UNC5D: variants seen among roughly 807,000 people sequenced by gnomAD.
UNC5D encodes unc-5 netrin receptor D.
A neutral mutation model predicts 105.4 loss-of-function variants in UNC5D; 39 were observed. That is an observed-to-expected ratio of 0.37 (90% CI 0.29 to 0.48). The LOEUF is 0.48. UNC5D is among the 20% of genes least tolerant of loss of function. UNC5D has a pLI of 0.98. For synonymous variants in UNC5D, 452 were observed against 450.4 expected, an observed-to-expected ratio of 1.00 and a Z score of -0.04; for missense variants, 991 against 1,202.4, an observed-to-expected ratio of 0.82 and a Z score of 2.60.
At chr8:35,729,510 C>T (rs1182567248) in intron 10 of UNC5D, among the ~76,000 whole-genome samples, 1 of 152,122 alleles carries the variant, frequency 6.6e-6, no homozygotes, top group South Asian at 2.1e-4. Context: ...TCTCTGTCAT[C>T]GTAATGACCT....
At chr8:35,274,288 C>T (rs2128839936) in intron 1 of UNC5D, among the ~76,000 whole-genome samples, 1 of 152,302 alleles carries the variant, frequency 6.6e-6, no homozygotes, top group Admixed American at 6.5e-5. Flanking sequence ...ATGGTTTCTT[C>T]AGATGATTTA....
chr8:35,501,946 C>T (rs941833457), intron 1 of UNC5D, among the ~76,000 whole-genome samples: 2 of 152,064 alleles, frequency 1.3e-5, no homozygotes, highest in Non-Finnish European at 2.9e-5. Flanking sequence ...GATAACTTGC[C>T]CTCCGCTTAA....
At chr8:35,357,522 A>G (rs1239311965) in intron 1 of UNC5D, among the ~76,000 whole-genome samples, 1 of 152,152 alleles carries the variant, frequency 6.6e-6, no homozygotes, top group Non-Finnish European at 1.5e-5. Context: ...AAGCAGGTTA[A>G]TTCTAATTTT....
At chr8:35,576,302 T>G (rs1818083738) in intron 3 of UNC5D, among the ~76,000 whole-genome samples, 3 of 152,152 alleles carry the variant, frequency 2.0e-5, no homozygotes, top group Admixed American at 1.3e-4. Context: ...AGTTGTTACA[T>G]AAAAAGCAAA....
intron 1 of UNC5D, among the ~76,000 whole-genome samples, chr8:35,277,141 G>A (rs1398989686): frequency 6.6e-6 from 1 of 152,102 alleles, no homozygotes; most frequent in Non-Finnish European, 1.5e-5. Context: ...CCCCGTAACC[G>A]GTTACAGAAA....
intron 1 of UNC5D, among the ~76,000 whole-genome samples, chr8:35,296,706 C>T (rs1807516897): frequency 6.6e-6 from 1 of 152,174 alleles, no homozygotes; most frequent in Non-Finnish European, 1.5e-5. Flanking sequence ...CAGGCATGAG[C>T]CACCATGCCT....
chr8:35,637,009 C>T (rs1340507166), intron 4 of UNC5D, among the ~76,000 whole-genome samples: 1 of 152,182 alleles, frequency 6.6e-6, no homozygotes, highest in African/African-American at 2.4e-5. Flanking sequence ...TCTCATGTCT[C>T]ACTTCCAATG....
intron 1 of UNC5D, among the ~76,000 whole-genome samples, chr8:35,346,284 G>C (rs537528814): frequency 1.4e-4 from 21 of 152,088 alleles, no homozygotes; most frequent in African/African-American, 4.1e-4. Flanking sequence ...ATAATGACTA[G>C]TATATATTTA....
intron 1 of UNC5D, among the ~76,000 whole-genome samples, chr8:35,296,515 G>C (rs2128866822): frequency 6.6e-6 from 1 of 152,216 alleles, no homozygotes; most frequent in Non-Finnish European, 1.5e-5. Flanking sequence ...TGCCTCCCAG[G>C]TTCAAGCAAT....
intron 11 of UNC5D, among the ~76,000 whole-genome samples, chr8:35,742,113 G>A (rs1829792813): frequency 6.6e-6 from 1 of 152,092 alleles, no homozygotes; most frequent in African/African-American, 2.4e-5. Context: ...AGAAGACATA[G>A]CCACAGTGTT....
rs1260186815 is a variant in UNC5D, at chr8:35,595,670, C to T, written c.570+13C>T. 10 of 1,612,618 alleles carry T rather than the reference C, an allele frequency of 6.2e-6. No homozygotes were observed. Among genetic ancestry groups the T allele is most frequent in the Non-Finnish European group, 8.5e-6 (10 of 1,178,944 alleles). Reference sequence around the variant, plus strand: ...CCCTGCTGCCGAGGTAAGACAGGATCCTGGGACCAGTCACCGGGAGGAACC... The same window carrying T: ...CCCTGCTGCCGAGGTAAGACAGGATTCTGGGACCAGTCACCGGGAGGAACC... On this transcript the variant is annotated intron_variant, in intron 4 of 16. Coordinates refer to ENST00000404895, the MANE Select transcript of UNC5D (RefSeq NM_080872.4).
rs202099281 is a variant in UNC5D at position 35,478,141 on chromosome 8, C to G, written c.104-71151C>G. On this transcript the variant is annotated intron_variant, in intron 1 of 16. Transcript: ENST00000404895. The stretch of plus-strand genomic sequence containing the variant: ...ATCTTAATATTCAGAATCTCTATTC[C>G]AAAATTAGATAAAACTTCAGATTAA... 3.3e-5 allele frequency among the ~76,000 whole-genome samples: 5 copies of G among 152,058 alleles called. No homozygotes were observed. The East Asian group carries it at 9.7e-4, about 29-fold the overall frequency.
intron 15 of UNC5D, among the ~76,000 whole-genome samples, chr8:35,773,789 C>T (rs1008085936): frequency 6.4e-4 from 97 of 152,322 alleles, no homozygotes; most frequent in African/African-American, 2.3e-3. Context: ...ATGGCGGGAT[C>T]TCAACTTACT....
intron 1 of UNC5D, among the ~76,000 whole-genome samples, chr8:35,294,135 C>G (rs1807287931): frequency 6.6e-6 from 1 of 152,126 alleles, no homozygotes; most frequent in Non-Finnish European, 1.5e-5. Flanking sequence ...TTCCCTTTTC[C>G]TATCAAGGCT....
chr8:35,308,372 G>T lies in UNC5D; in HGVS notation c.103+72485G>T, dbSNP rs544291536. 2.0e-5 allele frequency among the ~76,000 whole-genome samples: 3 copies of T among 152,172 alleles called. No homozygotes were observed. In the South Asian group the frequency reaches 6.2e-4, roughly 32 times the overall value. On this transcript the variant is annotated intron_variant, in intron 1 of 16. Transcript: ENST00000404895. ...AGGACACTCTTACCTTGAAACTATA[G>T]ATATGAACAGGTTTCATGACCACAG...
At chr8:35,370,501 CTGT>C (rs1481201752) in intron 1 of UNC5D, among the ~76,000 whole-genome samples, 2 of 151,944 alleles carry the variant, frequency 1.3e-5, no homozygotes, top group African/African-American at 4.8e-5. Flanking sequence ...AAAATTAAAA[CTGT>C]TGTTGAGAAA....
At chr8:35,627,220 A>G (rs1261388530) in intron 4 of UNC5D, among the ~76,000 whole-genome samples, 1 of 152,218 alleles carries the variant, frequency 6.6e-6, no homozygotes, top group Non-Finnish European at 1.5e-5. Context: ...TCTTCTTATC[A>G]GCTTGAGACA....
chr8:35,453,227 T>C (rs1808282934), intron 1 of UNC5D, among the ~76,000 whole-genome samples: 1 of 152,176 alleles, frequency 6.6e-6, no homozygotes, highest in African/African-American at 2.4e-5. Flanking sequence ...GGACCGAGAA[T>C]AGTGAATGAT....
chr8:35,717,420 T>C (rs1828314556), intron 8 of UNC5D, among the ~76,000 whole-genome samples: 1 of 152,204 alleles, frequency 6.6e-6, no homozygotes, highest in Non-Finnish European at 1.5e-5. Context: ...CAGAGTCCTT[T>C]GGACACATTG....
Sources: allele counts gnomAD v4.1 joint callset (sites outside exome capture counted in the v4.1 genomes callset), GRCh38; gene constraint gnomAD v4.1.1; transcripts MANE v1.5; gene names NCBI Gene and HGNC (gene_info 2026-07-23, HGNC 2026-07-21).